Variants in PKD1L3 observed in about 807,000 individuals in gnomAD.
The protein encoded by PKD1L3 is polycystin 1 like 3, transient receptor potential channel interacting.
Under a neutral mutation model 184.1 loss-of-function variants are expected in PKD1L3, and 239 were observed. The ratio of observed to expected loss-of-function variants is 1.30; its 90% CI spans 1.17 to 1.45. PKD1L3 has a LOEUF of 1.45. PKD1L3 is among the 40% of genes most tolerant of loss of function. The probability of loss-of-function intolerance (pLI) is 0.00; values close to 1 mark genes in which losing one functional copy is unlikely to be tolerated. For missense variants in PKD1L3, 2,660 were observed against 2,067.2 expected (o/e 1.29, Z -5.56); for synonymous variants, 996 against 778.8 (o/e 1.28, Z -4.64).
chr16:71,986,375 T>C lies in PKD1L3; in HGVS notation c.680A>G (p.Gln227Arg). 6.4e-7 allele frequency: 1 copy of C among 1,551,790 alleles called. No homozygotes were observed. Among genetic ancestry groups the C allele is most frequent in the Non-Finnish European group, 8.7e-7 (1 of 1,146,908 alleles). ...VTSAASEPSS[Q>R]PLPVITQLTM... The stretch of plus-strand genomic sequence containing the variant: ...GAGCTGTGTTATCACAGGGAGAGGC[T>C]GGCTGCTGGGTTCAGATGCGGCTGA... The change falls in exon 5 of 30, where the codon CAG becomes CGG. Residue 227 changes from glutamine to arginine, a missense_variant. Physicochemically the swap from Gln to Arg is conservative, Grantham distance 43. Transcript: ENST00000620267.
rs1471736983 is a variant in PKD1L3 at position 71,986,394 on chromosome 16, C to T, written c.661G>A (p.Ala221Thr). The T allele has an allele frequency of 3.9e-6, 6 of 1,551,754 alleles. No individual in the cohort carries two copies. Among genetic ancestry groups the T allele is most frequent in the Admixed American group, 3.9e-5 (2 of 50,988 alleles). The change falls in exon 5 of 30, where the codon GCA becomes ACA. Residue 221 changes from alanine (A) to threonine (T), a missense_variant. Ala to Thr is a moderately conservative substitution (Grantham distance 58). Coordinates refer to ENST00000620267, the MANE Select transcript of PKD1L3 (RefSeq NM_181536.2). The stretch of plus-strand genomic sequence containing the variant: ...AGAGGCTGGCTGCTGGGTTCAGATG[C>T]GGCTGATGTTACCTGTGATGTGATA... ...SSITSQVTSA[A>T]SEPSSQPLPV...
chr16:71,962,028 C>G (rs1255882562), intron 16 of PKD1L3, among the ~76,000 whole-genome samples: 1 of 152,104 alleles, frequency 6.6e-6, no homozygotes, highest in Admixed American at 6.6e-5. Context: ...GGGTTCAAGC[C>G]ACTCTTCTGA....
chr16:71,953,111 CAT>C lies in PKD1L3; in HGVS notation c.2810-20_2810-19del. The C allele has an allele frequency of 7.0e-7, 1 of 1,437,086 alleles. No individual in the cohort carries two copies. The highest frequency in any genetic ancestry group is 1.5e-5 in the South Asian group (1 of 67,258). The allele number at this position is 1,437,086 out of a possible 1,614,324, so 89.0% of individuals were successfully genotyped here. On this transcript the variant is annotated intron_variant, in intron 17 of 29. Coordinates refer to ENST00000620267, the MANE Select transcript of PKD1L3 (RefSeq NM_181536.2). ...TGGACGCACTGAAAGAAAAGCATGA[CAT>C]CAACTTTCATCTTCAACAATTAAAA... is the stretch of plus-strand genomic sequence containing the variant.
intron 3 of PKD1L3, among the ~76,000 whole-genome samples, chr16:71,992,082 C>T (rs1027260554): frequency 3.9e-5 from 6 of 152,138 alleles, no homozygotes; most frequent in Non-Finnish European, 5.9e-5. Flanking sequence ...CAGCCTCCCA[C>T]GGTGCTGGGA....
chr16:71,952,482 G>C (rs1417081482), intron 18 of PKD1L3, among the ~76,000 whole-genome samples: 1 of 148,450 alleles, frequency 6.7e-6, no homozygotes, highest in Non-Finnish European at 1.5e-5. Context: ...GCCTCCCAAA[G>C]TGCTGAGATT....
chr16:71,933,354 A>G (rs2038056358), intron 28 of PKD1L3, 66 bp downstream of exon 28: 14 of 1,242,402 alleles, frequency 1.1e-5, no homozygotes, highest in Non-Finnish European at 1.6e-5. Context: ...TGTTTTCATA[A>G]GGACCCCCCC....
In PKD1L3 at chr16:71,935,427, A is replaced by G; in HGVS notation, c.4544T>C (p.Leu1515Pro). 1.5e-5 allele frequency: 24 copies of G among 1,551,988 alleles called. 1 individual carries two copies. The highest frequency in any genetic ancestry group is 2.1e-5 in the Non-Finnish European group (24 of 1,147,030). Residue 1515 changes from leucine (L) to proline (P), a missense_variant, in exon 26 of 30, where the codon CTG becomes CCG. By Grantham distance (98) the Leu-to-Pro change is moderately conservative. Coordinates refer to ENST00000620267, the MANE Select transcript of PKD1L3 (RefSeq NM_181536.2). ...AGAAATACTCTTCATGTCAAGCCCCAGGAGGATGAAGCTAATGAGGATTAT... is the reference window on the plus strand; with the variant it reads ...AGAAATACTCTTCATGTCAAGCCCCGGGAGGATGAAGCTAATGAGGATTAT... ...TSIILISFILLGLDMKSISLH... is the reference protein window; with the variant it reads ...TSIILISFILPGLDMKSISLH...
At chr16:71,929,829 C>G in intron 29 of PKD1L3, 151 bp from the exon 30 acceptor site, 1 of 962,104 alleles carries the variant, frequency 1.0e-6, no homozygotes. Context: ...AGTGTTTCCA[C>G]TAATGGTTGC....
intron 25 of PKD1L3, among the ~76,000 whole-genome samples, chr16:71,936,449 C>A (rs2038179535): frequency 6.7e-6 from 1 of 150,372 alleles, no homozygotes; most frequent in Non-Finnish European, 1.5e-5. Context: ...GTGATCAACC[C>A]ATCTTGGCCT....
intron 19 of PKD1L3, 92 bp from the exon 20 acceptor site, chr16:71,950,402 A>G (rs906306762): frequency 4.3e-6 from 5 of 1,169,792 alleles, no homozygotes; most frequent in Middle Eastern, 2.8e-4. Flanking sequence ...ATGGATGATG[A>G]GGCTATATTT....
chr16:71,945,296 A>C (rs1193064802), intron 22 of PKD1L3, among the ~76,000 whole-genome samples: 2 of 65,688 alleles, frequency 3.0e-5, no homozygotes, highest in South Asian at 7.1e-4. Flanking sequence ...ATATATATAT[A>C]TATATATATA....
At chr16:71,961,889 C>T (rs1232468454) in intron 16 of PKD1L3, among the ~76,000 whole-genome samples, 6 of 152,092 alleles carry the variant, frequency 3.9e-5, no homozygotes, top group African/African-American at 7.2e-5. Flanking sequence ...GAGTCAAGTA[C>T]CAGAAGAAAC....
chr16:71,948,798 T>C (rs1040521469), intron 21 of PKD1L3, among the ~76,000 whole-genome samples: 12 of 27,272 alleles, frequency 4.4e-4, no homozygotes, highest in Admixed American at 3.4e-3. Context: ...TTAACTTACA[T>C]ATAGTAAAAA....
chr16:71,982,343 T>A, intron 6 of PKD1L3, 108 bp from the exon 7 acceptor site: 1 of 974,272 alleles, frequency 1.0e-6, no homozygotes, highest in Non-Finnish European at 1.4e-6. Context: ...TAGAGTGCAA[T>A]GGCGTGATAT....
Position 71,954,100 on chromosome 16 carries a change from C to A in PKD1L3, c.2809+5G>T. ...CAAACAACACACATCAGGGCTCATCCATACTTTGCTCATCTCTCTTGGCAG... is the reference window on the plus strand; with the variant it reads ...CAAACAACACACATCAGGGCTCATCAATACTTTGCTCATCTCTCTTGGCAG... On this transcript the variant is annotated splice_donor_5th_base_variant and intron_variant, in intron 17 of 29. Transcript: ENST00000620267. 1.3e-6 allele frequency: 2 copies of A among 1,527,008 alleles called. No homozygotes were observed. The highest frequency in any genetic ancestry group is 1.8e-6 in the Non-Finnish European group (2 of 1,136,864). The allele number at this position is 1,527,008 out of a possible 1,614,324, so 94.6% of individuals were successfully genotyped here.
intron 26 of PKD1L3, among the ~76,000 whole-genome samples, chr16:71,934,614 G>T (rs1193344159): frequency 2.6e-5 from 4 of 152,154 alleles, no homozygotes; most frequent in Non-Finnish European, 5.9e-5. Flanking sequence ...TAGAGGCGAG[G>T]GGTGTTGCTT....
chr16:71,983,297 C>T (rs1007883927), intron 6 of PKD1L3, among the ~76,000 whole-genome samples: 1 of 152,080 alleles, frequency 6.6e-6, no homozygotes, highest in African/African-American at 2.4e-5. Context: ...CAGGTGAGCA[C>T]CACCACACCC....
Position 71,947,475 on chromosome 16 carries a change from A to C in PKD1L3, c.3718+17T>G, listed in dbSNP as rs935446946. On this transcript the variant is annotated intron_variant, in intron 22 of 29. Transcript: ENST00000620267. ...CTTTTTGCAAAATTAGGTAGTTGTT[A>C]GAACTACTTGAGTTACCCAAGAGTG... is the stretch of plus-strand genomic sequence containing the variant. The C allele has an allele frequency of 2.7e-6, 4 of 1,493,324 alleles. No individual in the cohort carries two copies. In the Admixed American group the frequency reaches 7.9e-5, roughly 30 times the overall value. The allele number at this position is 1,493,324 out of a possible 1,614,324, so 92.5% of individuals were successfully genotyped here.
In PKD1L3 at chr16:71,963,217, A is replaced by G. The variant is rs1465451238; in HGVS notation, c.2600T>C (p.Leu867Pro). Reference protein sequence around the residue: ...RVFIPVSKRELFSFRHLFSSM... With the variant: ...RVFIPVSKREPFSFRHLFSSM... ...TTTCCAACAGTACCTAAAGGAAAAG[A>G]GCTCTCTCTTTGAAACTGGGATGAA... is the stretch of plus-strand genomic sequence containing the variant. Residue 867 changes from leucine (L) to proline (P), a missense_variant, in exon 16 of 30, where the codon CTC becomes CCC. Transcript: ENST00000620267. 2.6e-6 allele frequency: 4 copies of G among 1,550,010 alleles called. No individual in the cohort carries two copies. The South Asian group carries it at 4.8e-5, about 19-fold the overall frequency.
Sources: gnomAD v4.1 joint callset for allele counts (sites outside exome capture counted in the v4.1 genomes callset) on GRCh38, gnomAD v4.1.1 for gene constraint, MANE v1.5 for transcripts, NCBI Gene and HGNC (gene_info 2026-07-23, HGNC 2026-07-21) for gene names.